The following SLC9A8 variants were observed in gnomAD, a reference collection of about 807,000 sequenced individuals.
SLC9A8 encodes solute carrier family 9 member A8, also known as sodium/hydrogen exchanger 8.
Under a neutral mutation model 66.6 loss-of-function variants are expected in SLC9A8, and 48 were observed. The observed-to-expected ratio is 0.72, with a 90% confidence interval of 0.57 to 0.92. The LOEUF is 0.92. SLC9A8 is among the 40% of genes least tolerant of loss of function. The pLI is 0.00. For missense variants in SLC9A8, 599 were observed against 747.3 expected, an observed-to-expected ratio of 0.80 and a Z score of 2.31; for synonymous variants, 274 against 282.6, an observed-to-expected ratio of 0.97 and a Z score of 0.31.
At chr20:49,836,242 G>T (rs985087351) in intron 3 of SLC9A8, among the ~76,000 whole-genome samples, 1 of 152,186 alleles carries the variant, frequency 6.6e-6, no homozygotes, top group Non-Finnish European at 1.5e-5. Context: ...GCAGGTACCA[G>T]TACTTCATTC....
intron 4 of SLC9A8, among the ~76,000 whole-genome samples, chr20:49,842,061 T>TTTA (rs1160004571): frequency 6.6e-5 from 9 of 135,686 alleles, no homozygotes; most frequent in African/African-American, 2.3e-4. Context: ...TTTATTTTAT[T>TTTA]TTTTTTTTTT....
At position 49,887,818 on chromosome 20, in the gene SLC9A8, T is replaced by C; in HGVS notation, c.1639-11T>C. 1 of 1,582,976 alleles carries C rather than the reference T, an allele frequency of 6.3e-7. No individual in the cohort carries two copies. The highest frequency in any genetic ancestry group is 2.3e-5 in the East Asian group (1 of 44,032). ...GACGCCCTGACGGCTTGGTTGTGTC[T>C]CTCGACCCAGGACCTGCACCACGGG... On this transcript the variant is annotated splice_polypyrimidine_tract_variant and intron_variant, in intron 15 of 15. Transcript: ENST00000361573.
chr20:49,823,755 C>T (rs1271449839), intron 3 of SLC9A8, among the ~76,000 whole-genome samples: 1 of 152,038 alleles, frequency 6.6e-6, no homozygotes, highest in Admixed American at 6.6e-5. Flanking sequence ...GGGGAATTTC[C>T]GTAAGTGTAA....
At chr20:49,877,128 A>G (rs1351876990) in intron 11 of SLC9A8, among the ~76,000 whole-genome samples, 1 of 104,174 alleles carries the variant, frequency 9.6e-6, no homozygotes, top group African/African-American at 8.2e-5. Context: ...TCTCTACTGA[A>G]AAAAAAAAAA....
Position 49,888,192 on chromosome 20 carries a change from CAG to C in SLC9A8, c.*259_*260del, listed in dbSNP as rs1361757971. The C allele has an allele frequency of 2.4e-6, 1 of 409,244 alleles. No individual in the cohort carries two copies. The highest frequency in any genetic ancestry group is 2.1e-5 in the African/African-American group (1 of 47,532). 25.4% of individuals were successfully genotyped at this position (409,244 alleles called of 1,614,324 possible). The stretch of plus-strand genomic sequence containing the variant: ...CCGCTCAGTGTGGCTCCTCAGCCCA[CAG>C]AGGGGAGGGAGCATGGGGCCAGGTG... On this transcript the variant is annotated 3_prime_UTR_variant, in exon 16 of 16. Coordinates refer to ENST00000361573, the MANE Select transcript of SLC9A8 (RefSeq NM_015266.3).
chr20:49,812,976 AGGC>A (rs2086407424), intron 1 of SLC9A8, 28 bp downstream of exon 1: 2 of 1,388,090 alleles, frequency 1.4e-6, no homozygotes, highest in Non-Finnish European at 1.9e-6. Context: ...CGGGCGGCGG[AGGC>A]GGCGGGGCTG....
intron 3 of SLC9A8, chr20:49,829,656 A>C: frequency 2.2e-6 from 1 of 460,286 alleles, no homozygotes; most frequent in Non-Finnish European, 4.3e-6. Flanking sequence ...AAAGATTCAC[A>C]AGGGTAAACT....
chr20:49,886,615 G>T lies in SLC9A8; in HGVS notation c.1492-137G>T. On this transcript the variant is annotated intron_variant, in intron 14 of 15. Coordinates refer to ENST00000361573, the MANE Select transcript of SLC9A8 (RefSeq NM_015266.3). The surrounding 1 kb of genome is among the most constrained non-coding windows in gnomAD (Gnocchi z 4.8). ...GCAGGCTCCCAGGAGGCCGTCTGCT[G>T]CCCGTCACCCTGCATTGATGGTCAA... is the stretch of plus-strand genomic sequence containing the variant. 9.6e-7 allele frequency: 1 copy of T among 1,042,068 alleles called. No homozygotes were observed. Among genetic ancestry groups the T allele is most frequent in the Non-Finnish European group, 1.4e-6 (1 of 723,176 alleles). 64.6% of individuals were successfully genotyped at this position (1,042,068 alleles called of 1,614,324 possible). A position where few individuals can be genotyped will look rare whatever the true frequency, so the allele number is the denominator to read the frequency against.
chr20:49,829,726 C>G (rs1349736259), intron 3 of SLC9A8: 1 of 507,278 alleles, frequency 2.0e-6, no homozygotes. Flanking sequence ...AGGGAAAGAT[C>G]AGACGTCATC....
chr20:49,885,671 T>G (rs143219289), intron 14 of SLC9A8, among the ~76,000 whole-genome samples: 74 of 152,374 alleles, frequency 4.9e-4, no homozygotes, highest in African/African-American at 1.7e-3. Flanking sequence ...GTTTCTGGAA[T>G]GTTTTCTGTG....
intron 2 of SLC9A8, 76 bp from the exon 3 acceptor site, chr20:49,822,985 A>G (rs553111248): frequency 8.2e-7 from 1 of 1,218,006 alleles, no homozygotes; most frequent in East Asian, 2.3e-5. Context: ...AGAAATAACC[A>G]CTGACTTGAA....
intron 3 of SLC9A8, among the ~76,000 whole-genome samples, chr20:49,826,764 C>CTACTATATA (rs1415722380): frequency 6.6e-6 from 1 of 152,130 alleles, no homozygotes; most frequent in African/African-American, 2.4e-5. Context: ...AGTTAAACAA[C>CTACTATATA]TACTATATAT....
chr20:49,837,396 T>C (rs983554479), intron 3 of SLC9A8, among the ~76,000 whole-genome samples: 1 of 152,200 alleles, frequency 6.6e-6, no homozygotes, highest in East Asian at 1.9e-4. Flanking sequence ...TCTCAGATAC[T>C]CTGGTTTACA....
intron 10 of SLC9A8, 68 bp from the exon 11 acceptor site, chr20:49,874,637 C>T: frequency 1.0e-6 from 1 of 983,642 alleles, no homozygotes; most frequent in East Asian, 2.4e-5. Flanking sequence ...CAGGGCCTTG[C>T]AGGCATTGTG....
In SLC9A8 at chr20:49,847,178, AGTCTTACAAACT is replaced by A. The variant is rs374685072; in HGVS notation, c.432+2062_432+2073del. On this transcript the variant is annotated intron_variant, in intron 5 of 15. Transcript: ENST00000361573. ...AAATTTAATGTAAAAAATATTCACA[AGTCTTACAAACT>A]GTTAGTGACATCAGATAATTTTTAA... Among the ~76,000 whole-genome samples, 634 of 152,262 alleles carry A rather than the reference AGTCTTACAAACT, an allele frequency of 4.2e-3. 3 individuals carry two copies. The highest frequency in any genetic ancestry group is 0.015 in the African/African-American group (613 of 41,568).
In SLC9A8 at chr20:49,852,896, C is replaced by G. The variant is rs565585874; in HGVS notation, c.569+2052C>G. Among the ~76,000 whole-genome samples, 13 of 151,924 alleles carry G rather than the reference C, an allele frequency of 8.6e-5. No individual in the cohort carries two copies. In the South Asian group the frequency reaches 2.5e-3, roughly 29 times the overall value. On this transcript the variant is annotated intron_variant, in intron 7 of 15. Transcript: ENST00000361573. ...GAAAGTTTATTTTGCCAAGGTTGAG[C>G]ATGCGCACCCGTGACAGCCTCAGGA... is the stretch of plus-strand genomic sequence containing the variant.
intron 2 of SLC9A8, among the ~76,000 whole-genome samples, chr20:49,817,241 C>T (rs572702481): frequency 3.8e-4 from 57 of 151,844 alleles, no homozygotes; most frequent in African/African-American, 1.2e-3. Flanking sequence ...CACTTGAACC[C>T]GGGAGGCAGA....
At chr20:49,825,960 G>A (rs531452325) in intron 3 of SLC9A8, among the ~76,000 whole-genome samples, 1 of 152,294 alleles carries the variant, frequency 6.6e-6, no homozygotes, top group South Asian at 2.1e-4. Flanking sequence ...ACCACCTGGC[G>A]ACCTCAACTG....
rs926772943 is a variant in SLC9A8 at position 49,831,406 on chromosome 20, T to A, written c.290-8135T>A. Among the ~76,000 whole-genome samples the A allele has an allele frequency of 9.5e-3, 936 of 98,782 alleles. 10 individuals carry two copies. Among genetic ancestry groups the A allele is most frequent in the African/African-American group, 0.032 (853 of 26,872 alleles). The allele number at this position is 98,782 out of a possible 152,430, so 64.8% of individuals were successfully genotyped here. ...TACACACACAAACACACACACACTC[T>A]CTCTCTCTCTCTCTCTCTCTCTCTC... is the stretch of plus-strand genomic sequence containing the variant. On this transcript the variant is annotated intron_variant, in intron 3 of 15. Coordinates refer to ENST00000361573, the MANE Select transcript of SLC9A8 (RefSeq NM_015266.3).
Sources: gnomAD v4.1 joint callset for allele counts (sites outside exome capture counted in the v4.1 genomes callset) on GRCh38, gnomAD v4.1.1 for gene constraint, Gnocchi (gnomAD v3.1) non-coding constraint, MANE v1.5 for transcripts, NCBI Gene and HGNC (gene_info 2026-07-23, HGNC 2026-07-21) for gene names.